CRYZ: variants seen among roughly 807,000 people sequenced by gnomAD.
CRYZ encodes the protein crystallin zeta, also known as zeta-crystallin.
Under a neutral mutation model 34.1 loss-of-function variants are expected in CRYZ, and 35 were observed. The observed-to-expected ratio is 1.03, with a 90% CI of 0.78 to 1.36. CRYZ has a LOEUF of 1.36. Ranked by LOEUF, CRYZ falls within the 40% of genes most tolerant of loss-of-function variation. The pLI, the probability that CRYZ is intolerant of heterozygous loss-of-function variation, is 0.00. For missense variants in CRYZ, 403 were observed against 391.8 expected, an observed-to-expected ratio of 1.03 and a Z score of -0.24; for synonymous variants, 137 against 136.5, an observed-to-expected ratio of 1.00 and a Z score of -0.03.
chr1:74,730,991 T>G (rs1647692806), intron 1 of CRYZ, among the ~76,000 whole-genome samples: 3 of 152,166 alleles, frequency 2.0e-5, no homozygotes, highest in African/African-American at 4.8e-5. Context: ...AAAAAAAAAT[T>G]ACTCCCTAGC....
At chr1:74,723,087 G>A in intron 3 of CRYZ, 31 bp downstream of exon 3, 1 of 1,595,896 alleles carries the variant, frequency 6.3e-7, no homozygotes, top group South Asian at 1.1e-5. Context: ...AATAAATTCA[G>A]CCAAAATAGA....
chr1:74,706,816 T>A, intron 8 of CRYZ, 83 bp downstream of exon 8: 2 of 1,121,148 alleles, frequency 1.8e-6, no homozygotes, highest in Non-Finnish European at 1.4e-6. Context: ...AAGTTTAACA[T>A]CTATTCAAAC....
intron 3 of CRYZ, among the ~76,000 whole-genome samples, chr1:74,722,341 T>C (rs1246243207): frequency 6.6e-6 from 1 of 152,090 alleles, no homozygotes; most frequent in Non-Finnish European, 1.5e-5. Context: ...AAAGGGCCCA[T>C]TAACTTCAGC....
At chr1:74,731,966 G>T (rs1647776774) in intron 1 of CRYZ, among the ~76,000 whole-genome samples, 1 of 152,162 alleles carries the variant, frequency 6.6e-6, no homozygotes, top group Admixed American at 6.5e-5. Context: ...TTCTCTCAAA[G>T]ACTGCAATCC....
intron 6 of CRYZ, 46 bp from the exon 7 acceptor site, chr1:74,707,250 C>A: frequency 9.9e-7 from 1 of 1,011,974 alleles, no homozygotes; most frequent in Non-Finnish European, 1.5e-6. Flanking sequence ...AAGTGAAAAA[C>A]TGTAAAATAG....
chr1:74,717,335 T>C (rs1322261471), intron 4 of CRYZ, among the ~76,000 whole-genome samples: 1 of 152,218 alleles, frequency 6.6e-6, no homozygotes, highest in East Asian at 1.9e-4. Context: ...ATTCAAGGAA[T>C]TGATTTCCTC....
rs1569973520 is a variant in CRYZ, at chr1:74,710,182, A to T, written c.546T>A (p.Thr182=). ...GCAAAACAATCTTTTGTCCTTCCTCAGTACCAGCAGTGCCCAAAATCTTTA... is the reference window on the plus strand; with the variant it reads ...GCAAAACAATCTTTTGTCCTTCCTCTGTACCAGCAGTGCCCAAAATCTTTA... ...YGLKILGTAG[T]EEGQKIVLQN... Residue 182 remains threonine (T), a synonymous_variant, in exon 6 of 9, where the codon ACT becomes ACA. Transcript: ENST00000340866. 6.2e-7 allele frequency: 1 copy of T among 1,613,920 alleles called. No homozygotes were observed. Among genetic ancestry groups the T allele is most frequent in the Non-Finnish European group, 8.5e-7 (1 of 1,179,858 alleles).
At chr1:74,706,550 C>T (rs1646932100) in intron 8 of CRYZ, 93 bp from the exon 9 acceptor site, 2 of 1,141,016 alleles carry the variant, frequency 1.8e-6, no homozygotes, top group South Asian at 1.6e-5. Context: ...AAGTGTTATA[C>T]CATGAAGAGT....
chr1:74,720,784 G>T (rs960693232), intron 3 of CRYZ, among the ~76,000 whole-genome samples: 1 of 151,898 alleles, frequency 6.6e-6, no homozygotes, highest in Non-Finnish European at 1.5e-5. Flanking sequence ...CATTTACTGC[G>T]AATATACTAC....
At chr1:74,732,610 G>T (rs1219127120) in intron 1 of CRYZ, among the ~76,000 whole-genome samples, 1 of 80,400 alleles carries the variant, frequency 1.2e-5, no homozygotes, top group Non-Finnish European at 3.1e-5. Flanking sequence ...GGGGGGGGGG[G>T]GGGGGTGCAG....
At chr1:74,725,000 C>G (rs780559497) in intron 1 of CRYZ, among the ~76,000 whole-genome samples, 166 bp from the exon 2 acceptor site, 14 of 152,102 alleles carry the variant, frequency 9.2e-5, no homozygotes, top group Non-Finnish European at 1.9e-4. Flanking sequence ...CTTACAAATC[C>G]CTCAGCTATA....
At chr1:74,720,429 C>A (rs74784428) in intron 3 of CRYZ, among the ~76,000 whole-genome samples, 1,692 of 152,204 alleles carry the variant, frequency 0.011, 17 homozygotes, top group South Asian at 0.029. Context: ...TGAAACAATG[C>A]CCTAGGCCAG....
At chr1:74,723,532 C>T (rs956025134) in intron 2 of CRYZ, among the ~76,000 whole-genome samples, 8 of 152,166 alleles carry the variant, frequency 5.3e-5, no homozygotes, top group Admixed American at 1.3e-4. Flanking sequence ...GAGACCTCTG[C>T]GTGTTCATCA....
Position 74,719,377 on chromosome 1 carries a change from G to A in CRYZ, c.265-5C>T, listed in dbSNP as rs973305542. On this transcript the variant is annotated splice_region_variant and splice_polypyrimidine_tract_variant and intron_variant, in intron 3 of 8. Coordinates refer to ENST00000340866, the MANE Select transcript of CRYZ (RefSeq NM_001889.4). ...AGTGAAAACTCTGTCACCTTTCTAG[G>A]GGAAGAGATAAATGAATAAATGCAG... 1 of 1,603,514 alleles carries A rather than the reference G, an allele frequency of 6.2e-7. No individual in the cohort carries two copies. The highest frequency in any genetic ancestry group is 8.5e-7 in the Non-Finnish European group (1 of 1,172,352).
In CRYZ at chr1:74,707,213, T is replaced by C; in HGVS notation, c.631-9A>G. ...TTCTCACCAACATACTTCTATATAATAAAAGAGAAATGTAGAGTAAGATAG... is the reference window on the plus strand; with the variant it reads ...TTCTCACCAACATACTTCTATATAACAAAAGAGAAATGTAGAGTAAGATAG... On this transcript the variant is annotated splice_polypyrimidine_tract_variant and intron_variant, in intron 6 of 8. Coordinates refer to ENST00000340866, the MANE Select transcript of CRYZ (RefSeq NM_001889.4). 7.0e-7 allele frequency: 1 copy of C among 1,425,760 alleles called. No individual in the cohort carries two copies. Among genetic ancestry groups the C allele is most frequent in the Non-Finnish European group, 9.7e-7 (1 of 1,029,200 alleles). The allele number at this position is 1,425,760 out of a possible 1,614,324, so 88.3% of individuals were successfully genotyped here. A position where few individuals can be genotyped will look rare whatever the true frequency, so the allele number is the denominator to read the frequency against.
intron 6 of CRYZ, 178 bp from the exon 7 acceptor site, chr1:74,707,382 G>A (rs1350677780): frequency 8.3e-6 from 4 of 479,156 alleles, no homozygotes; most frequent in African/African-American, 4.1e-5. Context: ...TAATTCCAAG[G>A]TACCAGCCAG....
At chr1:74,712,097 T>C (rs1647011713) in intron 5 of CRYZ, among the ~76,000 whole-genome samples, 1 of 152,130 alleles carries the variant, frequency 6.6e-6, no homozygotes, top group African/African-American at 2.4e-5. Flanking sequence ...TAAATGTGCT[T>C]AGTATAAAAG....
At chr1:74,730,986 A>C (rs775003483) in intron 1 of CRYZ, among the ~76,000 whole-genome samples, 4 of 152,244 alleles carry the variant, frequency 2.6e-5, no homozygotes, top group African/African-American at 4.8e-5. Flanking sequence ...TGTATAAAAA[A>C]AAATTACTCC....
At chr1:74,730,134 C>A (rs892070077) in intron 1 of CRYZ, among the ~76,000 whole-genome samples, 27 of 152,138 alleles carry the variant, frequency 1.8e-4, no homozygotes, top group African/African-American at 6.3e-4. Context: ...TCTTTCCCCC[C>A]CCACATTTTG....
Sources: gnomAD v4.1 joint callset for allele counts (sites outside exome capture counted in the v4.1 genomes callset) on GRCh38, gnomAD v4.1.1 for gene constraint, MANE v1.5 for transcripts, NCBI Gene and HGNC (gene_info 2026-07-23, HGNC 2026-07-21) for gene names.